The following PNOC variants were observed in gnomAD, a reference collection of about 807,000 sequenced individuals.
PNOC encodes nociceptin.
In PNOC, 10 loss-of-function variants were observed where a neutral mutation model predicts 15.6. The ratio of observed to expected loss-of-function variants is 0.64; its 90% CI spans 0.40 to 1.09. The LOEUF is 1.09. PNOC is among the 50% of genes least tolerant of loss of function. PNOC has a pLI of 0.01. For synonymous variants in PNOC, 98 were observed against 88.5 expected (o/e 1.11, Z -0.60); for missense variants, 220 against 223.9 (o/e 0.98, Z 0.11).
intron 2 of PNOC, 118 bp downstream of exon 2, chr8:28,329,401 G>T (rs1013618102): frequency 9.4e-6 from 11 of 1,169,238 alleles, no homozygotes; most frequent in African/African-American, 3.0e-5. Context: ...CACAGGACTT[G>T]CTCAGCATTA....
Position 28,330,400 on chromosome 8 carries a change from T to TATTTTATTTTATTTTA in PNOC, c.126+1117_126+1118insATTTTATTTTATTTTA, listed in dbSNP as rs1431540071. On this transcript the variant is annotated intron_variant, in intron 2 of 3. Transcript: ENST00000301908. Reference sequence around the variant, plus strand: ...TATTTTATTTTATTTTATTTTATTTTTTTTTTTTTTTTGAGACGGAGTCTT... The same window carrying TATTTTATTTTATTTTA: ...TATTTTATTTTATTTTATTTTATTTTATTTTATTTTATTTTATTTTTTTTTTTTGAGACGGAGTCTT... 4.4e-3 allele frequency among the ~76,000 whole-genome samples: 449 copies of TATTTTATTTTATTTTA among 102,130 alleles called. 4 individuals carry two copies. Among genetic ancestry groups the TATTTTATTTTATTTTA allele is most frequent in the African/African-American group, 0.016 (436 of 27,726 alleles). 67.0% of individuals were successfully genotyped at this position (102,130 alleles called of 152,430 possible). A position where few individuals can be genotyped will look rare whatever the true frequency, so the allele number is the denominator to read the frequency against.
At chr8:28,319,242 T>C (rs1397362325) in intron 1 of PNOC, among the ~76,000 whole-genome samples, 4 of 151,864 alleles carry the variant, frequency 2.6e-5, no homozygotes, top group Admixed American at 2.0e-4. Flanking sequence ...CTCCAGTTCA[T>C]CTCCCCGTTA....
Position 28,339,355 on chromosome 8 carries a change from C to G in PNOC, c.442C>G (p.Arg148Gly), listed in dbSNP as rs778385875. 3 of 1,608,770 alleles carry G rather than the reference C, an allele frequency of 1.9e-6. No individual in the cohort carries two copies. Among genetic ancestry groups the G allele is most frequent in the African/African-American group, 2.7e-5 (2 of 74,812 alleles). ...KSARKLANQK[R>G]FSEFMRQYLV... ...GGCCAGGAAGTTGGCCAATCAGAAG[C>G]GGTTCAGTGAGTTTATGAGGCAATA... Residue 148 changes from arginine to glycine, a missense_variant, in exon 3 of 4, where the codon CGG becomes GGG. Transcript: ENST00000301908.
intron 1 of PNOC, among the ~76,000 whole-genome samples, chr8:28,327,858 T>C (rs2129864787): frequency 6.6e-6 from 1 of 151,972 alleles, no homozygotes; most frequent in East Asian, 1.9e-4. Context: ...GGCTGGGAAG[T>C]TTGAGATCAA....
chr8:28,326,375 A>G (rs2129860108), intron 1 of PNOC, among the ~76,000 whole-genome samples: 1 of 152,204 alleles, frequency 6.6e-6, no homozygotes, highest in African/African-American at 2.4e-5. Flanking sequence ...CAATTCATTG[A>G]TTTAACAAAC....
At chr8:28,329,607 A>C (rs2614103) in intron 2 of PNOC, among the ~76,000 whole-genome samples, 49,606 of 152,076 alleles carry the variant, frequency 0.33, 9,960 homozygotes, top group Non-Finnish European at 0.46. Flanking sequence ...AATCCTCCTT[A>C]ATTACACCAG....
intron 2 of PNOC, among the ~76,000 whole-genome samples, chr8:28,330,055 T>G (rs1367335918): frequency 6.6e-6 from 1 of 152,136 alleles, no homozygotes; most frequent in Non-Finnish European, 1.5e-5. Flanking sequence ...CAAGCAATTC[T>G]TCTGCCTCAG....
chr8:28,327,191 C>T (rs1209402872), intron 1 of PNOC, among the ~76,000 whole-genome samples: 4 of 152,194 alleles, frequency 2.6e-5, no homozygotes, highest in Non-Finnish European at 4.4e-5. Flanking sequence ...GTTCCTTTTC[C>T]ATTTAATCCT....
At chr8:28,333,438 C>G (rs1801361311) in intron 2 of PNOC, among the ~76,000 whole-genome samples, 1 of 152,164 alleles carries the variant, frequency 6.6e-6, no homozygotes, top group Admixed American at 6.5e-5. Flanking sequence ...AAGCCATTAA[C>G]CCATCTCTGG....
intron 2 of PNOC, among the ~76,000 whole-genome samples, chr8:28,335,095 G>A (rs1801389718): frequency 1.3e-5 from 2 of 152,212 alleles, no homozygotes; most frequent in African/African-American, 4.8e-5. Flanking sequence ...GTTGCTTCTT[G>A]GAAACCCTGC....
At chr8:28,324,079 G>A (rs752786433) in intron 1 of PNOC, among the ~76,000 whole-genome samples, 2 of 152,190 alleles carry the variant, frequency 1.3e-5, no homozygotes, top group East Asian at 1.9e-4. Context: ...AAAGGTAGAC[G>A]TGCCTCTGAC....
intron 1 of PNOC, among the ~76,000 whole-genome samples, chr8:28,319,055 T>C (rs987113034): frequency 6.6e-6 from 1 of 151,894 alleles, no homozygotes; most frequent in African/African-American, 2.4e-5. Context: ...GCAGAGGTGA[T>C]AATAACAGCA....
At chr8:28,340,339 C>T (rs1801495210) in intron 3 of PNOC, 1 of 152,214 alleles carries the variant, frequency 6.6e-6, no homozygotes, top group Non-Finnish European at 1.5e-5. Context: ...CCCACAGGCA[C>T]CTTATACAAG....
rs140495265 is a variant in PNOC, at chr8:28,342,996, G to A, written c.*102G>A. 9.2e-3 allele frequency: 9,072 copies of A among 985,428 alleles called. 51 individuals are homozygous for A. The highest frequency in any genetic ancestry group is 0.016 in the Middle Eastern group (30 of 1,914). 61.0% of individuals were successfully genotyped at this position (985,428 alleles called of 1,614,324 possible). On this transcript the variant is annotated 3_prime_UTR_variant, in exon 4 of 4. Transcript: ENST00000301908. The stretch of plus-strand genomic sequence containing the variant: ...GCTCAGCCCCAGACCTGCCGCCTGG[G>A]AATCAGGATTCCTTCTTCCCCAAGG...
intron 3 of PNOC, among the ~76,000 whole-genome samples, chr8:28,341,972 C>G (rs1801526859): frequency 6.6e-6 from 1 of 152,156 alleles, no homozygotes; most frequent in Admixed American, 6.5e-5. Context: ...CTGTCCTTGA[C>G]TTCTAAGATA....
chr8:28,319,478 G>A (rs1801112249), intron 1 of PNOC, among the ~76,000 whole-genome samples: 1 of 152,118 alleles, frequency 6.6e-6, no homozygotes, highest in Admixed American at 6.5e-5. Context: ...ATGGGTGAAG[G>A]GCTTTGAAGA....
In PNOC at chr8:28,339,028, G is replaced by A. The variant is rs755986224; in HGVS notation, c.127-12G>A. On this transcript the variant is annotated splice_polypyrimidine_tract_variant and intron_variant, in intron 2 of 3. Coordinates refer to ENST00000301908, the MANE Select transcript of PNOC (RefSeq NM_006228.5). ...TGTTCCTTCTCCCCTCCTCTCACCC[G>A]TATCTTTGCAGGTGTGCATCCTCGA... The A allele has an allele frequency of 6.4e-7, 1 of 1,568,782 alleles. No individual in the cohort carries two copies. The highest frequency in any genetic ancestry group is 8.7e-7 in the Non-Finnish European group (1 of 1,148,866).
intron 1 of PNOC, among the ~76,000 whole-genome samples, chr8:28,327,911 T>C (rs1801252239): frequency 6.6e-6 from 1 of 152,046 alleles, no homozygotes; most frequent in African/African-American, 2.4e-5. Flanking sequence ...TATTCCTGGC[T>C]CTTAGATTTT....
In PNOC at chr8:28,321,702, C is replaced by T. The variant is rs373529248; in HGVS notation, c.-24+4386C>T. Among the ~76,000 whole-genome samples, 47 of 152,280 alleles carry T rather than the reference C, an allele frequency of 3.1e-4. No homozygotes were observed. In the East Asian group the frequency reaches 3.3e-3, roughly 11 times the overall value. ...GTCTTGCTTAAAATCCCACAGGTAA[C>T]GACAGAGCCAGACTAGAAGCCAGGA... On this transcript the variant is annotated intron_variant, in intron 1 of 3. Transcript: ENST00000301908.
Sources: gnomAD v4.1 joint callset for allele counts (sites outside exome capture counted in the v4.1 genomes callset) on GRCh38, gnomAD v4.1.1 for gene constraint, MANE v1.5 for transcripts, NCBI Gene and HGNC (gene_info 2026-07-23, HGNC 2026-07-21) for gene names.